Variants in RAB18 observed in about 807,000 individuals in gnomAD.
RAB18 encodes RAB18, member RAS oncogene family.
RAB18 carries 10 observed loss-of-function variants against 28.5 expected under a neutral mutation model. That is an observed-to-expected ratio of 0.35 (90% CI 0.22 to 0.60). The LOEUF is 0.60. Among genes scored for constraint, RAB18 ranks in the 20% least tolerant of loss-of-function variants. The pLI is 0.78. For synonymous variants in RAB18, 93 were observed against 86.9 expected (o/e 1.07, Z -0.39); for missense variants, 188 against 244.2 (o/e 0.77, Z 1.53).
intron 1 of RAB18, among the ~76,000 whole-genome samples, chr10:27,508,786 CTA>C (rs1834260383): frequency 6.6e-6 from 1 of 152,078 alleles, no homozygotes; most frequent in African/African-American, 2.4e-5. Context: ...TGCAGAAACT[CTA>C]TGGACAAAAC....
chr10:27,538,389 T>C lies in RAB18; in HGVS notation c.*338T>C, dbSNP rs1209868742. ...AGTCTGCTTTTGCTATTCTTTTTGC[T>C]TAAATACTCCTATCATTTTCTGAAT... On this transcript the variant is annotated 3_prime_UTR_variant, in exon 7 of 7. Transcript: ENST00000356940. 2.1e-6 allele frequency: 1 copy of C among 470,122 alleles called. No homozygotes were observed. Among genetic ancestry groups the C allele is most frequent in the Non-Finnish European group, 4.2e-6 (1 of 237,380 alleles). The allele number at this position is 470,122 out of a possible 1,614,324, so 29.1% of individuals were successfully genotyped here.
Position 27,539,933 on chromosome 10 carries a change from T to C in RAB18, c.*1882T>C, listed in dbSNP as rs1429050420. ...TTATGTGGCTTTCATTTTGTTGTTTTGTTGCAAGCTTAGTGTTTTGTAGTG... is the reference window on the plus strand; with the variant it reads ...TTATGTGGCTTTCATTTTGTTGTTTCGTTGCAAGCTTAGTGTTTTGTAGTG... On this transcript the variant is annotated 3_prime_UTR_variant, in exon 7 of 7. Transcript: ENST00000356940. The C allele has an allele frequency of 4.4e-6, 2 of 453,204 alleles. No homozygotes were observed. The highest frequency in any genetic ancestry group is 8.8e-6 in the Non-Finnish European group (2 of 226,474). 28.1% of individuals were successfully genotyped at this position (453,204 alleles called of 1,614,324 possible).
intron 1 of RAB18, 183 bp downstream of exon 1, chr10:27,504,620 C>T: frequency 1.3e-6 from 1 of 779,312 alleles, no homozygotes; most frequent in Non-Finnish European, 2.3e-6. Flanking sequence ...TCCCCACCCG[C>T]GCCTGCCTGG....
intron 3 of RAB18, among the ~76,000 whole-genome samples, chr10:27,527,578 TTA>T (rs56035542): frequency 2.0e-5 from 3 of 148,962 alleles, no homozygotes; most frequent in African/African-American, 7.4e-5. Flanking sequence ...ATATGATCGG[TTA>T]TATATATATA....
chr10:27,507,530 T>C (rs1837871361), intron 1 of RAB18, among the ~76,000 whole-genome samples: 2 of 149,448 alleles, frequency 1.3e-5, no homozygotes, highest in South Asian at 4.2e-4. Context: ...TGTCCCTCCT[T>C]TGCCCCTTGC....
At chr10:27,510,068 T>C in intron 2 of RAB18, 138 bp downstream of exon 2, 2 of 710,182 alleles carry the variant, frequency 2.8e-6, no homozygotes, top group Non-Finnish European at 2.5e-6. Context: ...CCTTCAAGAC[T>C]TAATTTTGGT....
At chr10:27,512,397 C>T (rs2138977143) in intron 2 of RAB18, among the ~76,000 whole-genome samples, 1 of 152,218 alleles carries the variant, frequency 6.6e-6, no homozygotes, top group Middle Eastern at 3.4e-3. Context: ...GCCTCCACCT[C>T]CCCATTCAAG....
At chr10:27,513,535 G>T (rs2138980073) in intron 2 of RAB18, among the ~76,000 whole-genome samples, 1 of 152,304 alleles carries the variant, frequency 6.6e-6, no homozygotes, top group South Asian at 2.1e-4. Flanking sequence ...GGGATTTGCA[G>T]ATGGTACTAT....
Position 27,540,039 on chromosome 10 carries a change from T to G in RAB18, c.*1988T>G, listed in dbSNP as rs933999462. The stretch of plus-strand genomic sequence containing the variant: ...GTTTTGTTAATTCTTTTCAGAATCA[T>G]TGAAGCAGTCTTAAAGGGTCTTTTG... On this transcript the variant is annotated 3_prime_UTR_variant, in exon 7 of 7. Transcript: ENST00000356940. 2.2e-6 allele frequency: 1 copy of G among 454,074 alleles called. No individual in the cohort carries two copies. The highest frequency in any genetic ancestry group is 2.0e-5 in the African/African-American group (1 of 50,128). The allele number at this position is 454,074 out of a possible 1,614,324, so 28.1% of individuals were successfully genotyped here. A position where few individuals can be genotyped will look rare whatever the true frequency, so the allele number is the denominator to read the frequency against.
chr10:27,538,786 TC>T lies in RAB18; in HGVS notation c.*740del, dbSNP rs1482508353. The T allele has an allele frequency of 2.2e-6, 1 of 453,958 alleles. No individual in the cohort carries two copies. Among genetic ancestry groups the T allele is most frequent in the Non-Finnish European group, 4.4e-6 (1 of 226,784 alleles). 28.1% of individuals were successfully genotyped at this position (453,958 alleles called of 1,614,324 possible). A position where few individuals can be genotyped will look rare whatever the true frequency, so the allele number is the denominator to read the frequency against. On this transcript the variant is annotated 3_prime_UTR_variant, in exon 7 of 7. Transcript: ENST00000356940. ...GTTTGGCAGAATGACAATAAGGTTT[TC>T]CCCCATTTTGGTTTCAGGAGGACAT...
At chr10:27,519,653 T>C (rs1387004787) in intron 2 of RAB18, among the ~76,000 whole-genome samples, 1 of 152,170 alleles carries the variant, frequency 6.6e-6, no homozygotes, top group African/African-American at 2.4e-5. Flanking sequence ...AATTACAAAA[T>C]ACTTTCAGAT....
intron 1 of RAB18, among the ~76,000 whole-genome samples, chr10:27,509,594 C>T (rs1325012445): frequency 1.3e-5 from 2 of 152,130 alleles, no homozygotes; most frequent in Admixed American, 6.5e-5. Flanking sequence ...TAAAAAACAA[C>T]TACAACAAAA....
At chr10:27,533,144 T>C (rs1834821882) in intron 4 of RAB18, among the ~76,000 whole-genome samples, 1 of 152,084 alleles carries the variant, frequency 6.6e-6, no homozygotes. Context: ...TTAAATATTA[T>C]GGCTTGGTAG....
intron 4 of RAB18, 72 bp from the exon 5 acceptor site, chr10:27,533,663 A>G: frequency 5.1e-6 from 8 of 1,578,022 alleles, no homozygotes; most frequent in Non-Finnish European, 6.9e-6. Flanking sequence ...GCTAACTCCT[A>G]GCTACATATC....
At position 27,526,911 on chromosome 10, in the gene RAB18, T is replaced by G. The variant is rs752854100; in HGVS notation, c.186+22T>G. On this transcript the variant is annotated intron_variant, in intron 3 of 6. Coordinates refer to ENST00000356940, the MANE Select transcript of RAB18 (RefSeq NM_021252.5). ...ATGGGTAAGAGTTTTTAAAATGTATTTTTAAAATATTAAACTTTACTTTTT... is the reference window on the plus strand; with the variant it reads ...ATGGGTAAGAGTTTTTAAAATGTATGTTTAAAATATTAAACTTTACTTTTT... 7 of 1,599,856 alleles carry G rather than the reference T, an allele frequency of 4.4e-6. No individual in the cohort carries two copies. The Admixed American group carries it at 8.3e-5, about 19-fold the overall frequency.
chr10:27,512,761 G>T (rs187683527), intron 2 of RAB18, among the ~76,000 whole-genome samples: 5 of 152,160 alleles, frequency 3.3e-5, no homozygotes, highest in African/African-American at 1.2e-4. Context: ...TTTACTGAAG[G>T]AATGAACATA....
chr10:27,506,717 T>TA (rs1837848318), intron 1 of RAB18, among the ~76,000 whole-genome samples: 1 of 152,130 alleles, frequency 6.6e-6, no homozygotes, highest in Non-Finnish European at 1.5e-5. Context: ...CTCATACTCC[T>TA]AAAGTGCTGG....
chr10:27,526,784 G>C (rs746474893), intron 2 of RAB18, 44 bp from the exon 3 acceptor site: 1 of 1,609,698 alleles, frequency 6.2e-7, no homozygotes, highest in Non-Finnish European at 8.5e-7. Context: ...GATTTTAAAA[G>C]TCTGTTTTAC....
intron 2 of RAB18, among the ~76,000 whole-genome samples, chr10:27,518,120 G>A (rs1049603441): frequency 1.3e-5 from 2 of 151,916 alleles, no homozygotes; most frequent in Non-Finnish European, 2.9e-5. Flanking sequence ...AGTTTTAGTT[G>A]GTTTATCTAT....
Sources: gnomAD v4.1 joint callset for allele counts (sites outside exome capture counted in the v4.1 genomes callset) on GRCh38, gnomAD v4.1.1 for gene constraint, MANE v1.5 for transcripts, NCBI Gene and HGNC (gene_info 2026-07-23, HGNC 2026-07-21) for gene names.